The following HELLS variants were observed in gnomAD, a reference collection of about 807,000 sequenced individuals.
HELLS encodes helicase, lymphoid specific.
HELLS carries 32 observed loss-of-function variants against 120.0 expected under a neutral mutation model. The observed-to-expected ratio is 0.27, with a 90% confidence interval of 0.20 to 0.36. The LOEUF (loss-of-function observed/expected upper bound fraction) is 0.36, where lower values mean the gene tolerates loss of function less well. Among genes scored for constraint, HELLS ranks in the 10% least tolerant of loss-of-function variants. HELLS has a pLI of 1.00. For missense variants in HELLS, 650 were observed against 993.4 expected (o/e 0.65, Z 4.65); for synonymous variants, 341 against 323.4 (o/e 1.05, Z -0.58).
intron 2 of HELLS, among the ~76,000 whole-genome samples, chr10:94,552,239 C>G (rs1843016112): frequency 8.5e-6 from 1 of 117,312 alleles, no homozygotes; most frequent in Non-Finnish European, 1.8e-5. Flanking sequence ...CTTTTTAAGT[C>G]AAGAGTTTGT....
At chr10:94,573,906 G>A (rs1844307458) in intron 7 of HELLS, 54 bp from the exon 8 acceptor site, 1 of 941,194 alleles carries the variant, frequency 1.1e-6, no homozygotes, top group African/African-American at 1.6e-5. Context: ...GATAAATGGT[G>A]GCATACAGCA....
Position 94,590,459 on chromosome 10 carries a change from C to G in HELLS, c.1535C>G (p.Thr512Ser), listed in dbSNP as rs1267119123. Reference sequence around the variant, plus strand: ...CCTACTGGTCGACCAAAACGACGAACTAGAAAATCAATAAATTACAGCAAA... The same window carrying G: ...CCTACTGGTCGACCAAAACGACGAAGTAGAAAATCAATAAATTACAGCAAA... ...LSPTGRPKRR[T>S]RKSINYSKID... The change falls in exon 14 of 22, where the codon ACT becomes AGT. Residue 512 changes from threonine (T) to serine (S), a missense_variant. Thr to Ser is a moderately conservative substitution (Grantham distance 58). Coordinates refer to ENST00000348459, the MANE Select transcript of HELLS (RefSeq NM_018063.5). 3 of 1,611,368 alleles carry G rather than the reference C, an allele frequency of 1.9e-6. No individual in the cohort carries two copies. Among genetic ancestry groups the G allele is most frequent in the Admixed American group, 1.7e-5 (1 of 59,220 alleles).
chr10:94,561,473 T>C (rs1036769360), intron 4 of HELLS, among the ~76,000 whole-genome samples: 8 of 152,152 alleles, frequency 5.3e-5, no homozygotes, highest in African/African-American at 1.9e-4. Flanking sequence ...TTTTGAAACT[T>C]AAAAAATTTT....
chr10:94,576,556 T>A (rs926217091), intron 9 of HELLS, 106 bp from the exon 10 acceptor site: 33 of 594,698 alleles, frequency 5.5e-5, no homozygotes, highest in Non-Finnish European at 2.9e-5. Context: ...AGAAATAAAA[T>A]TTTTTAAAAT....
intron 9 of HELLS, chr10:94,609,718 CACATGAGTAGT>C (rs1278994264): frequency 6.6e-6 from 1 of 152,164 alleles, no homozygotes. Flanking sequence ...TGAGATGTCT[CACATGAGTAGT>C]TAGTGCTGAG....
intron 10 of HELLS, among the ~76,000 whole-genome samples, chr10:94,580,162 TACACAC>T (rs34963898): frequency 1.9e-3 from 92 of 47,568 alleles, no homozygotes; most frequent in African/African-American, 7.8e-3. Flanking sequence ...TATATATATA[TACACAC>T]ACACACACAC....
chr10:94,568,632 T>A (rs887651993), intron 6 of HELLS, among the ~76,000 whole-genome samples: 1 of 152,212 alleles, frequency 6.6e-6, no homozygotes, highest in African/African-American at 2.4e-5. Context: ...TAATTACTCA[T>A]AACCTCCATT....
At chr10:94,584,063 G>C in intron 12 of HELLS, 1 of 1,358,508 alleles carries the variant, frequency 7.4e-7, no homozygotes, top group African/African-American at 1.5e-5. Context: ...CTCCAGAAAA[G>C]ATTTATATGA....
chr10:94,554,321 T>G (rs1348266216), intron 3 of HELLS, 73 bp downstream of exon 3: 2 of 1,104,900 alleles, frequency 1.8e-6, no homozygotes, highest in East Asian at 5.7e-5. Flanking sequence ...GTGTATATTA[T>G]ATACAGTAAA....
At chr10:94,598,169 G>T (rs1845835686) in intron 21 of HELLS, among the ~76,000 whole-genome samples, 1 of 152,038 alleles carries the variant, frequency 6.6e-6, no homozygotes, top group Non-Finnish European at 1.5e-5. Flanking sequence ...TTTGTCTGTT[G>T]CATCTGTATG....
Position 94,576,809 on chromosome 10 carries a change from C to A in HELLS, c.1032+4C>A. The A allele has an allele frequency of 1.3e-6, 2 of 1,594,022 alleles. No homozygotes were observed. Among genetic ancestry groups the A allele is most frequent in the African/African-American group, 1.4e-5 (1 of 74,060 alleles). On this transcript the variant is annotated splice_donor_region_variant and intron_variant, in intron 10 of 21. Transcript: ENST00000348459. ...GAGAGACCGAAATGCGTTACAGGTA[C>A]AAATGATCTTCATTGGTTTCTTTGT...
At position 94,567,686 on chromosome 10, in the gene HELLS, A is replaced by G. The variant is rs148413617; in HGVS notation, c.436-3702A>G. On this transcript the variant is annotated intron_variant, in intron 6 of 21. Coordinates refer to ENST00000348459, the MANE Select transcript of HELLS (RefSeq NM_018063.5). The stretch of plus-strand genomic sequence containing the variant: ...TTTGGGAGGCCAGGGTGAGAGGATC[A>G]CTTAAGCCCAGGAGTTTAAGACTAG... Among the ~76,000 whole-genome samples, 486 of 152,262 alleles carry G rather than the reference A, an allele frequency of 3.2e-3. 2 individuals carry two copies. Among genetic ancestry groups the G allele is most frequent in the African/African-American group, 0.011 (469 of 41,560 alleles).
At chr10:94,603,840 T>TCC (rs35630045), downstream of HELLS, among the ~76,000 whole-genome samples, 3 of 151,992 alleles carry the variant, frequency 2.0e-5, no homozygotes, top group African/African-American at 7.2e-5. Flanking sequence ...TTCCTTTTTT[T>TCC]CCCCTTTTTT....
Position 94,576,706 on chromosome 10 carries a change from A to C in HELLS, c.933A>C (p.Lys311Asn). ...ATGGAACCCAGGAGGAACGTCAAAA[A>C]TTGGTAAGAAATATTTACAAACGGA... ...LYHGTQEERQ[K>N]LVRNIYKRKG... is the part of the protein sequence containing the mutation. Residue 311 changes from lysine (K) to asparagine (N), a missense_variant, in exon 10 of 22, where the codon AAA (lysine) becomes AAC (asparagine). Physicochemically the swap from Lys to Asn is moderately conservative, Grantham distance 94. Around this residue, in one of 9 missense-constraint regions of HELLS, gnomAD observed 61 missense variants for 86.5 expected, o/e 0.71. Transcript: ENST00000348459. 6.2e-7 allele frequency: 1 copy of C among 1,610,652 alleles called. No individual in the cohort carries two copies. The highest frequency in any genetic ancestry group is 8.5e-7 in the Non-Finnish European group (1 of 1,177,222).
intron 12 of HELLS, among the ~76,000 whole-genome samples, chr10:94,584,505 G>A (rs1845025038): frequency 6.6e-6 from 1 of 152,082 alleles, no homozygotes; most frequent in Admixed American, 6.5e-5. Context: ...TATTTAGGAA[G>A]AGATGTGTTT....
chr10:94,549,179 T>A (rs1842870387), intron 2 of HELLS, among the ~76,000 whole-genome samples: 1 of 152,122 alleles, frequency 6.6e-6, no homozygotes, highest in Non-Finnish European at 1.5e-5. Flanking sequence ...CTAAGAAAAG[T>A]TTTCAGAGTC....
downstream of HELLS, among the ~76,000 whole-genome samples, chr10:94,604,893 C>T (rs146915615): frequency 1.0e-3 from 158 of 152,064 alleles, no homozygotes; most frequent in African/African-American, 3.7e-3. Flanking sequence ...TAAAACAGAT[C>T]TCATGATTCA....
chr10:94,575,385 C>T (rs1844383340), intron 9 of HELLS, among the ~76,000 whole-genome samples: 1 of 151,776 alleles, frequency 6.6e-6, no homozygotes, highest in Non-Finnish European at 1.5e-5. Flanking sequence ...AGACGTGAGC[C>T]ACTGTACCTC....
chr10:94,550,671 G>A (rs1462681833), intron 2 of HELLS, among the ~76,000 whole-genome samples: 1 of 151,970 alleles, frequency 6.6e-6, no homozygotes, highest in Non-Finnish European at 1.5e-5. Flanking sequence ...GGGGCAGATC[G>A]CTTGAGCCCA....
Sources: gnomAD v4.1 joint callset for allele counts (sites outside exome capture counted in the v4.1 genomes callset) on GRCh38, gnomAD v4.1.1 for gene constraint, gnomAD v4.1.1 regional missense constraint, MANE v1.5 for transcripts, NCBI Gene and HGNC (gene_info 2026-07-23, HGNC 2026-07-21) for gene names.